BBX: variants seen among roughly 807,000 people sequenced by gnomAD.
BBX encodes the protein BBX high mobility group box domain containing, also known as HMG box transcription factor BBX.
A neutral mutation model predicts 100.2 loss-of-function variants in BBX; 30 were observed. The ratio of observed to expected loss-of-function variants is 0.30; its 90% CI spans 0.22 to 0.41. The LOEUF is 0.41. Ranked by LOEUF, BBX falls within the 10% of genes least tolerant of loss-of-function variation. The pLI, the probability that BBX is intolerant of heterozygous loss-of-function variation, is 1.00. For synonymous variants in BBX, 376 were observed against 388.1 expected (o/e 0.97, Z 0.37); for missense variants, 1,023 against 1,129.8 (o/e 0.91, Z 1.35).
At chr3:107,748,376 A>G (rs1402922827) in intron 9 of BBX, among the ~76,000 whole-genome samples, 1 of 152,152 alleles carries the variant, frequency 6.6e-6, no homozygotes, top group Admixed American at 6.5e-5. Flanking sequence ...GATTTATTAA[A>G]TTTTTCCAAT....
intron 2 of BBX, among the ~76,000 whole-genome samples, chr3:107,577,552 A>G (rs1174857039): frequency 6.6e-6 from 1 of 152,210 alleles, no homozygotes. Flanking sequence ...ATGGGAAAGT[A>G]ATAGTACCTG....
At position 107,665,820 on chromosome 3, in the gene BBX, T is replaced by A. The variant is rs376979921; in HGVS notation, c.-10+19911T>A. Among the ~76,000 whole-genome samples the A allele has an allele frequency of 3.3e-5, 5 of 152,266 alleles. No homozygotes were observed. The East Asian group carries it at 7.7e-4, about 24-fold the overall frequency. ...GTCTTTTCTCACACTCTAGTTACCA[T>A]CTTTGAGTCAGTATTGATTCTTTCT... On this transcript the variant is annotated intron_variant, in intron 3 of 17. Coordinates refer to ENST00000325805, the MANE Select transcript of BBX (RefSeq NM_001142568.3).
chr3:107,605,076 A>C (rs980752468), intron 2 of BBX, among the ~76,000 whole-genome samples: 1 of 152,346 alleles, frequency 6.6e-6, no homozygotes, highest in Admixed American at 6.5e-5. Flanking sequence ...CACAATCAAA[A>C]TACATGATAA....
intron 2 of BBX, among the ~76,000 whole-genome samples, chr3:107,556,441 C>T (rs1559807363): frequency 6.6e-6 from 1 of 152,078 alleles, no homozygotes; most frequent in Non-Finnish European, 1.5e-5. Flanking sequence ...TTTCAGAGCC[C>T]TTCTCCCTGC....
intron 2 of BBX, among the ~76,000 whole-genome samples, chr3:107,584,347 A>G (rs1017606825): frequency 2.5e-4 from 37 of 146,450 alleles, no homozygotes; most frequent in Non-Finnish European, 8.9e-5. Flanking sequence ...ATCAAATTGA[A>G]ACAATACTAT....
chr3:107,615,723 T>C (rs1272422510), intron 2 of BBX, among the ~76,000 whole-genome samples: 1 of 152,166 alleles, frequency 6.6e-6, no homozygotes, highest in Non-Finnish European at 1.5e-5. Flanking sequence ...AAATACTATG[T>C]TTCAATGATC....
chr3:107,543,718 A>G (rs1446781616), intron 2 of BBX, among the ~76,000 whole-genome samples: 1 of 152,256 alleles, frequency 6.6e-6, no homozygotes, highest in Non-Finnish European at 1.5e-5. Context: ...AAACCATTCC[A>G]GCTTCACAAC....
intron 3 of BBX, among the ~76,000 whole-genome samples, chr3:107,697,489 G>A (rs1006029689): frequency 2.0e-5 from 3 of 151,858 alleles, no homozygotes; most frequent in Non-Finnish European, 4.4e-5. Flanking sequence ...TGCTGGGGGT[G>A]CCTCCCAGTT....
intron 2 of BBX, among the ~76,000 whole-genome samples, chr3:107,605,071 T>C (rs1445030438): frequency 6.6e-6 from 1 of 152,222 alleles, no homozygotes; most frequent in Non-Finnish European, 1.5e-5. Context: ...CTTTTCACAA[T>C]CAAAATACAT....
At position 107,642,245 on chromosome 3, in the gene BBX, A is replaced by AT. The variant is rs71299352; in HGVS notation, c.-83-3585dup. ...GAAGGCTTTAATTAAATCAACAAGAATTTTTTGACTACAAACACAACTCCA... is the reference window on the plus strand; with the variant it reads ...GAAGGCTTTAATTAAATCAACAAGAATTTTTTTGACTACAAACACAACTCCA... On this transcript the variant is annotated intron_variant, in intron 2 of 17. Coordinates refer to ENST00000325805, the MANE Select transcript of BBX (RefSeq NM_001142568.3). 9.9e-3 allele frequency among the ~76,000 whole-genome samples: 1,504 copies of AT among 152,326 alleles called. 14 individuals are homozygous for AT. Among genetic ancestry groups the AT allele is most frequent in the Middle Eastern group, 0.044 (13 of 294 alleles).
chr3:107,667,484 ATAT>A (rs1209399235), intron 3 of BBX, among the ~76,000 whole-genome samples: 2 of 151,872 alleles, frequency 1.3e-5, no homozygotes, highest in Non-Finnish European at 2.9e-5. Context: ...AAAATAAACT[ATAT>A]TATTAATAAA....
rs776407915 is a variant in BBX, at chr3:107,772,827, AATT to A, written c.1107_1109del (p.Leu370del). 1 of 1,613,702 alleles carries A rather than the reference AATT, an allele frequency of 6.2e-7. No homozygotes were observed. Among genetic ancestry groups the A allele is most frequent in the South Asian group, 1.1e-5 (1 of 90,862 alleles). ...AAGGAAAATTTAAGAGATTCTAAGG[AATT>A]GAGAAATTTTGAGGCATTGCAAATA... On this transcript the variant is annotated inframe_deletion, in exon 11 of 18. Coordinates refer to ENST00000325805, the MANE Select transcript of BBX (RefSeq NM_001142568.3).
chr3:107,564,291 C>T (rs1553727316), intron 2 of BBX, among the ~76,000 whole-genome samples: 4 of 151,960 alleles, frequency 2.6e-5, no homozygotes, highest in Non-Finnish European at 5.9e-5. Flanking sequence ...TATTATTTGA[C>T]TATATGTATG....
chr3:107,730,045 C>T (rs772025465), intron 6 of BBX, among the ~76,000 whole-genome samples: 46 of 152,070 alleles, frequency 3.0e-4, no homozygotes, highest in Non-Finnish European at 6.3e-4. Flanking sequence ...TGTGACCTCA[C>T]GACTGCACTC....
At chr3:107,557,365 T>C (rs1208254166) in intron 2 of BBX, among the ~76,000 whole-genome samples, 5 of 152,226 alleles carry the variant, frequency 3.3e-5, no homozygotes, top group East Asian at 3.8e-4. Context: ...TAATGGACTT[T>C]CGTTAGCTAA....
intron 3 of BBX, among the ~76,000 whole-genome samples, chr3:107,647,678 A>G (rs1242193640): frequency 3.9e-5 from 6 of 152,236 alleles, no homozygotes; most frequent in African/African-American, 1.2e-4. Flanking sequence ...CCAGGGTTCA[A>G]TAAATCTGGG....
At position 107,671,398 on chromosome 3, in the gene BBX, A is replaced by G. The variant is rs144219662; in HGVS notation, c.-10+25489A>G. 1.2e-3 allele frequency among the ~76,000 whole-genome samples: 179 copies of G among 152,160 alleles called. 1 individual carries two copies. The highest frequency in any genetic ancestry group is 4.0e-3 in the African/African-American group (167 of 41,548). ...AAACACCACTGAGACTATTAAGAGA[A>G]CTTAACTGATAGAGCTCAGTATTTC... On this transcript the variant is annotated intron_variant, in intron 3 of 17. Coordinates refer to ENST00000325805, the MANE Select transcript of BBX (RefSeq NM_001142568.3).
At chr3:107,525,139 GGCGCCGGGGGTCCCC>G in intron 1 of BBX, among the ~76,000 whole-genome samples, 1 of 148,864 alleles carries the variant, frequency 6.7e-6, no homozygotes, top group East Asian at 2.0e-4. Flanking sequence ...GCGGCCCAGG[GGCGCCGGGGGTCCCC>G]GGCGCCGACG....
intron 10 of BBX, among the ~76,000 whole-genome samples, chr3:107,762,908 A>G (rs1278460829): frequency 6.6e-6 from 1 of 152,202 alleles, no homozygotes; most frequent in Non-Finnish European, 1.5e-5. Flanking sequence ...CCATGACCTC[A>G]CAAGCAGAAA....
Sources: allele counts gnomAD v4.1 joint callset (sites outside exome capture counted in the v4.1 genomes callset), GRCh38; gene constraint gnomAD v4.1.1; transcripts MANE v1.5; gene names NCBI Gene and HGNC (gene_info 2026-07-23, HGNC 2026-07-21).